Variants in GARNL3 observed in about 807,000 individuals in gnomAD.
GARNL3 encodes GTPase activating Rap/RanGAP domain like 3.
Under a neutral mutation model 125.0 loss-of-function variants are expected in GARNL3, and 63 were observed. The observed-to-expected ratio is 0.50, with a 90% CI of 0.41 to 0.62. The LOEUF is 0.62. GARNL3 is among the 20% of genes least tolerant of loss of function. GARNL3 has a pLI of 0.00. For missense variants in GARNL3, 994 were observed against 1,244.0 expected (o/e 0.80, Z 3.02); for synonymous variants, 439 against 457.5 (o/e 0.96, Z 0.52).
intron 22 of GARNL3, among the ~76,000 whole-genome samples, chr9:127,368,551 G>A (rs1026451637): frequency 2.0e-5 from 3 of 150,506 alleles, no homozygotes; most frequent in Non-Finnish European, 3.0e-5. Context: ...GGCTGGTCTC[G>A]AACTCCTGAC....
intron 1 of GARNL3, among the ~76,000 whole-genome samples, chr9:127,272,232 C>A (rs1253152074): frequency 1.3e-5 from 2 of 149,866 alleles, no homozygotes; most frequent in African/African-American, 5.1e-5. Context: ...AACTGCCTGT[C>A]CAGCACCCCT....
chr9:127,325,217 G>T, intron 7 of GARNL3, 122 bp downstream of exon 7: 1 of 907,008 alleles, frequency 1.1e-6, no homozygotes, highest in Non-Finnish European at 1.7e-6. Context: ...TTGCACAGTG[G>T]GACACATTGC....
chr9:127,272,670 G>T (rs548548659), intron 1 of GARNL3, among the ~76,000 whole-genome samples: 1 of 152,210 alleles, frequency 6.6e-6, no homozygotes, highest in African/African-American at 2.4e-5. Flanking sequence ...AGTAGAGACA[G>T]GTTTCACCAT....
At chr9:127,377,254 T>C (rs1356206000) in intron 22 of GARNL3, among the ~76,000 whole-genome samples, 2 of 152,192 alleles carry the variant, frequency 1.3e-5, no homozygotes, top group Non-Finnish European at 2.9e-5. Flanking sequence ...CAAGTATATA[T>C]AAAATGTATA....
At chr9:127,302,224 G>C (rs187319414) in intron 2 of GARNL3, among the ~76,000 whole-genome samples, 83 of 152,142 alleles carry the variant, frequency 5.5e-4, no homozygotes, top group Admixed American at 1.4e-3. Context: ...TTACAGGCTT[G>C]AGCCACCGCG....
At chr9:127,304,937 C>T (rs578190757) in intron 2 of GARNL3, among the ~76,000 whole-genome samples, 1 of 152,338 alleles carries the variant, frequency 6.6e-6, no homozygotes, top group South Asian at 2.1e-4. Context: ...TGGACTACTA[C>T]ATGGCCATGA....
intron 2 of GARNL3, among the ~76,000 whole-genome samples, chr9:127,247,312 C>T (rs866162832): frequency 3.3e-5 from 5 of 152,168 alleles, no homozygotes; most frequent in Admixed American, 2.0e-4. Flanking sequence ...AGAAACCCAA[C>T]TCAAATTAGC....
At chr9:127,279,333 T>C (rs1426743923) in intron 1 of GARNL3, among the ~76,000 whole-genome samples, 1 of 152,330 alleles carries the variant, frequency 6.6e-6, no homozygotes, top group East Asian at 1.9e-4. Context: ...GAATATTTTC[T>C]TCTGTTATAT....
chr9:127,357,193 C>G (rs1211722321), intron 20 of GARNL3, 26 bp from the exon 21 acceptor site: 7 of 1,612,958 alleles, frequency 4.3e-6, no homozygotes, highest in Non-Finnish European at 5.1e-6. Flanking sequence ...TCACCCCTGT[C>G]TCTTGTATCC....
chr9:127,331,790 G>A (rs556439774), intron 7 of GARNL3, among the ~76,000 whole-genome samples: 16 of 140,684 alleles, frequency 1.1e-4, no homozygotes, highest in African/African-American at 3.9e-4. Flanking sequence ...TGGGGAAAAT[G>A]AGCTTTTAGT....
intron 1 of GARNL3, among the ~76,000 whole-genome samples, chr9:127,239,997 A>C (rs2131159970): frequency 6.6e-6 from 1 of 152,354 alleles, no homozygotes; most frequent in East Asian, 1.9e-4. Context: ...AAGATTAAAA[A>C]GCTAAAAAGA....
At position 127,384,742 on chromosome 9, in the gene GARNL3, G is replaced by A. The variant is rs927665288; in HGVS notation, c.2270-285G>A. 1.3e-5 allele frequency among the ~76,000 whole-genome samples: 2 copies of A among 152,196 alleles called. No homozygotes were observed. The highest frequency in any genetic ancestry group is 2.4e-5 in the African/African-American group (1 of 41,438). On this transcript the variant is annotated intron_variant, in intron 23 of 27. Coordinates refer to ENST00000373387, the MANE Select transcript of GARNL3 (RefSeq NM_032293.5). The surrounding 1 kb of genome is among the most constrained non-coding windows in gnomAD (Gnocchi z 4.0). ...AGGACTATGGCAAGTGAGCTGCCTC[G>A]CTGGAAGATCAGGCAGTGGGGTTTC... is the stretch of plus-strand genomic sequence containing the variant.
In GARNL3 at chr9:127,387,481, C is replaced by A. The variant is rs4836562; in HGVS notation, c.2527+150C>A. On this transcript the variant is annotated intron_variant, in intron 25 of 27. Transcript: ENST00000373387. ...AAACTAGCTGAGCGTGGTGGCTCAC[C>A]CCTATAATCCCAGCACTTTGGGAAG... is the stretch of plus-strand genomic sequence containing the variant. 8.2e-5 allele frequency: 63 copies of A among 764,924 alleles called. No individual in the cohort carries two copies. In the Middle Eastern group the frequency reaches 1.2e-3, roughly 14 times the overall value. The allele number at this position is 764,924 out of a possible 1,614,324, so 47.4% of individuals were successfully genotyped here. A position where few individuals can be genotyped will look rare whatever the true frequency, so the allele number is the denominator to read the frequency against.
chr9:127,320,916 A>C, intron 6 of GARNL3, 138 bp downstream of exon 6: 1 of 627,036 alleles, frequency 1.6e-6, no homozygotes, highest in Non-Finnish European at 2.8e-6. Context: ...ATCATGGGAG[A>C]ACCTCACACC....
At chr9:127,338,195 A>C (rs750121598) in intron 12 of GARNL3, 34 bp downstream of exon 12, 1 of 1,484,874 alleles carries the variant, frequency 6.7e-7, no homozygotes. Context: ...TGCTTGTCCT[A>C]ATTCTCATGC....
At chr9:127,376,577 GCTTT>G (rs58810186) in intron 22 of GARNL3, among the ~76,000 whole-genome samples, 2,898 of 151,766 alleles carry the variant, frequency 0.019, 44 homozygotes, top group Non-Finnish European at 0.026. Context: ...ATAGTGGACA[GCTTT>G]CTTTCTTTCT....
intron 1 of GARNL3, among the ~76,000 whole-genome samples, chr9:127,289,552 C>T (rs2064352581): frequency 6.6e-6 from 1 of 152,164 alleles, no homozygotes; most frequent in African/African-American, 2.4e-5. Context: ...ACCTGAATTG[C>T]GGTATCCAGA....
At chr9:127,248,361 TGGGG>T (rs1390217359) in intron 2 of GARNL3, among the ~76,000 whole-genome samples, 9 of 152,038 alleles carry the variant, frequency 5.9e-5, no homozygotes, top group African/African-American at 2.2e-4. Context: ...GAGGTAGGCG[TGGGG>T]GCCCATCTGT....
At chr9:127,388,071 C>T (rs1274620742) in intron 25 of GARNL3, among the ~76,000 whole-genome samples, 4 of 151,336 alleles carry the variant, frequency 2.6e-5, no homozygotes, top group African/African-American at 4.9e-5. Flanking sequence ...ACCTGAGCAG[C>T]GGAGGTCAAG....
Sources: allele counts gnomAD v4.1 joint callset (sites outside exome capture counted in the v4.1 genomes callset), GRCh38; gene constraint gnomAD v4.1.1; non-coding constraint Gnocchi (gnomAD v3.1); transcripts MANE v1.5; gene names NCBI Gene and HGNC (gene_info 2026-07-23, HGNC 2026-07-21).